Variants in TMEM178B observed in about 807,000 individuals in gnomAD.
The protein encoded by TMEM178B is transmembrane protein 178B.
TMEM178B carries 5 observed loss-of-function variants against 31.0 expected under a neutral mutation model. The ratio of observed to expected loss-of-function variants is 0.16; its 90% CI spans 0.08 to 0.34. The LOEUF (loss-of-function observed/expected upper bound fraction) is 0.34, where lower values mean the gene tolerates loss of function less well. Ranked by LOEUF, TMEM178B falls within the 10% of genes least tolerant of loss-of-function variation. The probability of loss-of-function intolerance (pLI) is 1.00; values close to 1 mark genes in which losing one functional copy is unlikely to be tolerated. For missense variants in TMEM178B, 275 were observed against 400.3 expected (o/e 0.69, Z 2.67); for synonymous variants, 164 against 164.0 (o/e 1.00, Z 0.00).
At chr7:141,494,642 G>A in the TMEM178B span, among the ~76,000 whole-genome samples, 1 of 152,308 alleles carries the variant, frequency 6.6e-6, no homozygotes, top group African/African-American at 2.4e-5. Context: ...AGTGGTTCAT[G>A]CCTAGAATCC....
intron 3 of TMEM178B, among the ~76,000 whole-genome samples, chr7:141,458,787 C>CA (rs1563188094): frequency 6.6e-6 from 1 of 152,086 alleles, no homozygotes; most frequent in Non-Finnish European, 1.5e-5. Flanking sequence ...TGAAGTCCTG[C>CA]AAAAAAAGAA....
At chr7:141,377,120 A>G (rs1166647081) in intron 2 of TMEM178B, among the ~76,000 whole-genome samples, 1 of 151,980 alleles carries the variant, frequency 6.6e-6, no homozygotes, top group Non-Finnish European at 1.5e-5. Context: ...TTACTTGTCT[A>G]TATTTTGTAA....
intron 2 of TMEM178B, among the ~76,000 whole-genome samples, chr7:141,356,039 T>C (rs1286701092): frequency 6.6e-6 from 1 of 152,258 alleles, no homozygotes; most frequent in Non-Finnish European, 1.5e-5. Flanking sequence ...ACAAAGGACA[T>C]GATTTCATGC....
intron 2 of TMEM178B, among the ~76,000 whole-genome samples, chr7:141,432,129 T>C (rs1367118690): frequency 1.3e-5 from 2 of 150,998 alleles, no homozygotes; most frequent in Non-Finnish European, 3.0e-5. Flanking sequence ...TCTTTCTTTT[T>C]CTCTCCTTCA....
chr7:141,169,004 A>T (rs925668680), intron 1 of TMEM178B, among the ~76,000 whole-genome samples: 2 of 152,108 alleles, frequency 1.3e-5, no homozygotes, highest in Non-Finnish European at 2.9e-5. Flanking sequence ...CATTCCTCTG[A>T]TCTCCTCTTT....
At chr7:141,276,966 A>G (rs1156397212) in intron 2 of TMEM178B, among the ~76,000 whole-genome samples, 1 of 152,238 alleles carries the variant, frequency 6.6e-6, no homozygotes, top group Non-Finnish European at 1.5e-5. Context: ...CTATACCTGT[A>G]TAGGGCACTT....
In TMEM178B at chr7:141,269,585, A is replaced by G. The variant is rs138298835; in HGVS notation, c.496+56881A>G. The stretch of plus-strand genomic sequence containing the variant: ...AGCTATGTTGAGAAATGAAGCTTAT[A>G]TTTTTTATTTTTATCTTTTAATCTT... On this transcript the variant is annotated intron_variant, in intron 2 of 3. Transcript: ENST00000565468. 5.5e-3 allele frequency among the ~76,000 whole-genome samples: 836 copies of G among 152,256 alleles called. 11 individuals carry two copies. Among genetic ancestry groups the G allele is most frequent in the African/African-American group, 0.019 (783 of 41,546 alleles).
In TMEM178B at chr7:141,245,256, T is replaced by A. The variant is rs185554426; in HGVS notation, c.496+32552T>A. ...AGGAGGAGAGCCAAGAAACATCATG[T>A]TAAGGGGCCCAGGAGTGAGAAGGTT... On this transcript the variant is annotated intron_variant, in intron 2 of 3. Transcript: ENST00000565468. 5.3e-5 allele frequency among the ~76,000 whole-genome samples: 7 copies of A among 131,660 alleles called. No individual in the cohort carries two copies. In the East Asian group the frequency reaches 1.5e-3, roughly 29 times the overall value. The allele number at this position is 131,660 out of a possible 152,430, so 86.4% of individuals were successfully genotyped here. A position where few individuals can be genotyped will look rare whatever the true frequency, so the allele number is the denominator to read the frequency against.
intron 1 of TMEM178B, among the ~76,000 whole-genome samples, chr7:141,113,257 C>T (rs4725500): frequency 0.32 from 48,470 of 152,058 alleles, 9,723 homozygotes; most frequent in Non-Finnish European, 0.46. Context: ...CCATTTTGTT[C>T]TCACTCAGCT....
At chr7:141,413,475 C>T (rs897131728) in intron 2 of TMEM178B, among the ~76,000 whole-genome samples, 1 of 152,208 alleles carries the variant, frequency 6.6e-6, no homozygotes, top group Non-Finnish European at 1.5e-5. Flanking sequence ...TCTGCCCATG[C>T]GTATTGTCAA....
intron 1 of TMEM178B, among the ~76,000 whole-genome samples, chr7:141,101,842 A>C (rs906669648): frequency 6.6e-6 from 1 of 151,918 alleles, no homozygotes; most frequent in African/African-American, 2.4e-5. Context: ...GAACATGGGG[A>C]TCTTCTAGGA....
At chr7:141,218,150 A>G (rs1468956153) in intron 2 of TMEM178B, among the ~76,000 whole-genome samples, 1 of 151,992 alleles carries the variant, frequency 6.6e-6, no homozygotes, top group Non-Finnish European at 1.5e-5. Flanking sequence ...CAAGCTGAGC[A>G]CATACCAGGA....
At chr7:141,433,092 C>CAAT (rs1217898940) in intron 2 of TMEM178B, among the ~76,000 whole-genome samples, 7 of 152,206 alleles carry the variant, frequency 4.6e-5, no homozygotes, top group African/African-American at 1.7e-4. Flanking sequence ...AACTTCAGTA[C>CAAT]AATACCCTGA....
chr7:141,357,044 G>T (rs181308282), intron 2 of TMEM178B, among the ~76,000 whole-genome samples: 3 of 152,310 alleles, frequency 2.0e-5, no homozygotes, highest in Non-Finnish European at 4.4e-5. Flanking sequence ...AACAAGAGTA[G>T]ATTCTTAAAG....
chr7:141,343,315 G>A (rs1225965169), intron 2 of TMEM178B, among the ~76,000 whole-genome samples: 2 of 152,110 alleles, frequency 1.3e-5, no homozygotes, highest in African/African-American at 4.8e-5. Flanking sequence ...CTAGTCCTGG[G>A]ATTCTGATTA....
At chr7:141,265,801 T>G (rs1022723479) in intron 2 of TMEM178B, among the ~76,000 whole-genome samples, 1 of 152,222 alleles carries the variant, frequency 6.6e-6, no homozygotes, top group Non-Finnish European at 1.5e-5. Context: ...CTGTATAGTT[T>G]AAGGTGCTCT....
At chr7:141,182,843 C>T (rs1374692964) in intron 1 of TMEM178B, among the ~76,000 whole-genome samples, 1 of 152,198 alleles carries the variant, frequency 6.6e-6, no homozygotes, top group Non-Finnish European at 1.5e-5. Flanking sequence ...TTTGCTTCTC[C>T]TTTGCCTTCC....
At chr7:141,189,193 C>T (rs889770521) in intron 1 of TMEM178B, among the ~76,000 whole-genome samples, 12 of 152,258 alleles carry the variant, frequency 7.9e-5, no homozygotes, top group African/African-American at 2.9e-4. Flanking sequence ...CTGCATTGTG[C>T]TAGAATGTAG....
intron 1 of TMEM178B, among the ~76,000 whole-genome samples, chr7:141,113,547 A>C (rs918971940): frequency 1.3e-5 from 2 of 152,114 alleles, no homozygotes; most frequent in African/African-American, 4.8e-5. Flanking sequence ...ACCAGTCAGA[A>C]TGACCACCCA....
Sources: allele counts gnomAD v4.1 joint callset (sites outside exome capture counted in the v4.1 genomes callset), GRCh38; gene constraint gnomAD v4.1.1; transcripts MANE v1.5; gene names NCBI Gene and HGNC (gene_info 2026-07-23, HGNC 2026-07-21).